KIAA0232: variants seen among roughly 807,000 people sequenced by gnomAD.
KIAA0232 encodes the protein uncharacterized protein KIAA0232.
A neutral mutation model predicts 122.0 loss-of-function variants in KIAA0232; 27 were observed. The observed-to-expected ratio is 0.22, with a 90% CI of 0.16 to 0.31. The LOEUF is 0.31. Ranked by LOEUF, KIAA0232 falls within the 10% of genes least tolerant of loss-of-function variation. The pLI, the probability that KIAA0232 is intolerant of heterozygous loss-of-function variation, is 1.00. For synonymous variants in KIAA0232, 613 were observed against 587.6 expected (o/e 1.04, Z -0.63); for missense variants, 1,551 against 1,634.2 (o/e 0.95, Z 0.88).
intron 2 of KIAA0232, among the ~76,000 whole-genome samples, chr4:6,805,345 T>C (rs555178855): frequency 6.6e-6 from 1 of 152,330 alleles, no homozygotes; most frequent in African/African-American, 2.4e-5. Context: ...ATTTGGACTC[T>C]TTAAAATTTT....
At chr4:6,866,194 T>A in intron 7 of KIAA0232, 1 of 981,592 alleles carries the variant, frequency 1.0e-6, no homozygotes, top group Non-Finnish European at 1.2e-6. Flanking sequence ...GGTTCCAGAT[T>A]GGGAAGAAAG....
chr4:6,853,579 A>G (rs993027877), intron 4 of KIAA0232, among the ~76,000 whole-genome samples: 1 of 152,198 alleles, frequency 6.6e-6, no homozygotes, highest in African/African-American at 2.4e-5. Flanking sequence ...AGTATCATGT[A>G]GGTTAGTGAT....
chr4:6,791,209 G>A (rs535661935), intron 1 of KIAA0232, among the ~76,000 whole-genome samples: 65 of 151,208 alleles, frequency 4.3e-4, no homozygotes, highest in Non-Finnish European at 8.1e-4. Flanking sequence ...ATGAGCCACC[G>A]TGCCTGGCCT....
intron 2 of KIAA0232, among the ~76,000 whole-genome samples, chr4:6,819,281 G>A (rs939788398): frequency 3.9e-5 from 6 of 151,932 alleles, no homozygotes; most frequent in African/African-American, 9.7e-5. Context: ...TAGAGTAAAC[G>A]GTGTACAGTA....
chr4:6,842,966 T>C (rs1352021629), intron 4 of KIAA0232, among the ~76,000 whole-genome samples: 2 of 152,188 alleles, frequency 1.3e-5, no homozygotes, highest in Non-Finnish European at 2.9e-5. Context: ...TACATTTGGA[T>C]ACATTCCTAG....
intron 1 of KIAA0232, among the ~76,000 whole-genome samples, chr4:6,784,013 CCCCTAAA>C (rs1716493170): frequency 6.6e-6 from 1 of 152,148 alleles, no homozygotes; most frequent in African/African-American, 2.4e-5. Flanking sequence ...TTGGTACAGA[CCCCTAAA>C]TCATGGCAGA....
chr4:6,840,651 GTTTC>G (rs1719599887), intron 3 of KIAA0232, among the ~76,000 whole-genome samples: 1 of 151,040 alleles, frequency 6.6e-6, no homozygotes, highest in African/African-American at 2.4e-5. Flanking sequence ...TAATTATGTT[GTTTC>G]TTTAAGATTA....
At chr4:6,809,938 A>G (rs531884442) in intron 2 of KIAA0232, among the ~76,000 whole-genome samples, 4 of 152,218 alleles carry the variant, frequency 2.6e-5, no homozygotes, top group African/African-American at 4.8e-5. Flanking sequence ...TAGATGACAA[A>G]TAAATGGAAA....
intron 2 of KIAA0232, among the ~76,000 whole-genome samples, chr4:6,816,697 A>G (rs1718145212): frequency 6.6e-6 from 1 of 152,184 alleles, no homozygotes. Context: ...TTTCTTAAAT[A>G]TTTGGTAGAA....
chr4:6,856,749 G>A (rs1720590106), intron 4 of KIAA0232, among the ~76,000 whole-genome samples: 1 of 151,016 alleles, frequency 6.6e-6, no homozygotes, highest in African/African-American at 2.4e-5. Flanking sequence ...ATGAGGTTTT[G>A]TGATTTTCCT....
At position 6,861,732 on chromosome 4, in the gene KIAA0232, C is replaced by G; in HGVS notation, c.1350C>G (p.Ile450Met). The G allele has an allele frequency of 6.2e-7, 1 of 1,614,114 alleles. No homozygotes were observed. The highest frequency in any genetic ancestry group is 8.5e-7 in the Non-Finnish European group (1 of 1,180,030). ...CTGAATCAGTGCATGGTCTTTGTAT[C>G]AGCAACAATAATCTTCATAAAACAT... ...ELSESVHGLC[I>M]SNNNLHKTYL... is the part of the protein sequence containing the mutation. Residue 450 changes from isoleucine (I) to methionine (M), a missense_variant, in exon 7 of 10, where the codon ATC becomes ATG. Coordinates refer to ENST00000307659, the MANE Select transcript of KIAA0232 (RefSeq NM_014743.3).
intron 2 of KIAA0232, among the ~76,000 whole-genome samples, chr4:6,820,848 C>A (rs1003800491): frequency 6.6e-6 from 1 of 152,200 alleles, no homozygotes; most frequent in Non-Finnish European, 1.5e-5. Context: ...GTTTATTTGG[C>A]TCACAGTTCC....
At chr4:6,822,185 C>T (rs1718456118) in intron 2 of KIAA0232, among the ~76,000 whole-genome samples, 2 of 151,870 alleles carry the variant, frequency 1.3e-5, no homozygotes, top group Admixed American at 1.3e-4. Flanking sequence ...TTTTGAAAGT[C>T]AGTTGGAAAA....
Position 6,790,915 on chromosome 4 carries a change from CTTTTT to C in KIAA0232, c.-354+8093_-354+8097del, listed in dbSNP as rs35766310. On this transcript the variant is annotated intron_variant, in intron 1 of 9. Transcript: ENST00000307659. ...TGAAGGAGTTTCTTGTTTTTATATA[CTTTTT>C]TTTTTTTTTTTTTTTTTTGAGGCAG... Among the ~76,000 whole-genome samples the C allele has an allele frequency of 1.2e-4, 11 of 92,946 alleles. No homozygotes were observed. The East Asian group carries it at 3.5e-3, about 30-fold the overall frequency. The allele number at this position is 92,946 out of a possible 152,430, so 61.0% of individuals were successfully genotyped here. A position where few individuals can be genotyped will look rare whatever the true frequency, so the allele number is the denominator to read the frequency against.
chr4:6,798,897 A>T (rs1717252889), intron 1 of KIAA0232, among the ~76,000 whole-genome samples: 1 of 152,156 alleles, frequency 6.6e-6, no homozygotes, highest in Non-Finnish European at 1.5e-5. Flanking sequence ...GAAGAAATGC[A>T]GTTTCATCAG....
chr4:6,800,023 TTTTC>T lies in KIAA0232; in HGVS notation c.-353-4480_-353-4477del, dbSNP rs757767534. On this transcript the variant is annotated intron_variant, in intron 1 of 9. Transcript: ENST00000307659. ...TTGTTTTGCATATACTCTGTTTTCT[TTTTC>T]TTTCTTTCTTTCTTTCTTTTTTTTT... 4.0e-3 allele frequency among the ~76,000 whole-genome samples: 571 copies of T among 141,628 alleles called. 3 individuals are homozygous for T. The highest frequency in any genetic ancestry group is 6.3e-3 in the Non-Finnish European group (409 of 65,034). 92.9% of individuals were successfully genotyped at this position (141,628 alleles called of 152,430 possible).
At chr4:6,858,277 AT>A (rs1440535119) in intron 5 of KIAA0232, 147 bp from the exon 6 acceptor site, 3 of 563,360 alleles carry the variant, frequency 5.3e-6, no homozygotes, top group Non-Finnish European at 9.6e-6. Flanking sequence ...GAAAAAATAG[AT>A]TTTTATTAAA....
At chr4:6,878,984 A>C (rs1721911114) in intron 9 of KIAA0232, among the ~76,000 whole-genome samples, 1 of 152,050 alleles carries the variant, frequency 6.6e-6, no homozygotes, top group Non-Finnish European at 1.5e-5. Flanking sequence ...CCAAACTGAG[A>C]CATATTCCCC....
chr4:6,832,415 C>A (rs1439373966), intron 3 of KIAA0232, among the ~76,000 whole-genome samples: 1 of 144,102 alleles, frequency 6.9e-6, no homozygotes, highest in South Asian at 2.2e-4. Context: ...GTGGCGTGAT[C>A]TCGGCTCACT....
Sources: gnomAD v4.1 joint callset for allele counts (sites outside exome capture counted in the v4.1 genomes callset) on GRCh38, gnomAD v4.1.1 for gene constraint, MANE v1.5 for transcripts, NCBI Gene and HGNC (gene_info 2026-07-23, HGNC 2026-07-21) for gene names.